Variants in SNTB1 observed in about 807,000 individuals in gnomAD.
The protein encoded by SNTB1 is beta-1-syntrophin.
In SNTB1, 36 loss-of-function variants were observed where a neutral mutation model predicts 48.9. The observed-to-expected ratio is 0.74, with a 90% CI of 0.56 to 0.97. The LOEUF (loss-of-function observed/expected upper bound fraction) is 0.97, where lower values mean the gene tolerates loss of function less well. SNTB1 is among the 50% of genes least tolerant of loss of function. The probability of loss-of-function intolerance (pLI) is 0.00; values close to 1 mark genes in which losing one functional copy is unlikely to be tolerated. For missense variants in SNTB1, 786 were observed against 703.4 expected (o/e 1.12, Z -1.33); for synonymous variants, 299 against 294.6 (o/e 1.01, Z -0.15).
intron 3 of SNTB1, among the ~76,000 whole-genome samples, chr8:120,610,392 C>G (rs912144084): frequency 6.6e-6 from 1 of 152,220 alleles, no homozygotes; most frequent in Non-Finnish European, 1.5e-5. Context: ...CCTCAGCCTC[C>G]CAAAGTGCTG....
chr8:120,649,541 C>T (rs1172060767), intron 2 of SNTB1, among the ~76,000 whole-genome samples: 1,825 of 139,082 alleles, frequency 0.013, 45 homozygotes, highest in African/African-American at 0.046. Context: ...TCTCCAGCTG[C>T]GTGCTGGGAG....
intron 3 of SNTB1, among the ~76,000 whole-genome samples, chr8:120,604,893 G>C (rs1353949345): frequency 1.3e-5 from 2 of 152,176 alleles, no homozygotes; most frequent in Non-Finnish European, 2.9e-5. Flanking sequence ...TTTCCAGTAA[G>C]ATGTGCTGCT....
At chr8:120,755,520 A>G (rs1819304681) in intron 1 of SNTB1, among the ~76,000 whole-genome samples, 1 of 152,146 alleles carries the variant, frequency 6.6e-6, no homozygotes, top group Non-Finnish European at 1.5e-5. Flanking sequence ...TATGTGAAGT[A>G]CATTTGAGTT....
chr8:120,669,993 T>C (rs965437534), intron 2 of SNTB1, among the ~76,000 whole-genome samples: 2 of 152,238 alleles, frequency 1.3e-5, no homozygotes, highest in Non-Finnish European at 1.5e-5. Context: ...AATTTGACTT[T>C]AGTATAAATT....
At chr8:120,560,008 C>T (rs775676164) in intron 4 of SNTB1, among the ~76,000 whole-genome samples, 1 of 152,036 alleles carries the variant, frequency 6.6e-6, no homozygotes, top group Non-Finnish European at 1.5e-5. Context: ...CATCCACTGG[C>T]CACCCCTAAT....
intron 1 of SNTB1, among the ~76,000 whole-genome samples, chr8:120,808,073 C>A (rs1820364570): frequency 6.6e-6 from 1 of 152,018 alleles, no homozygotes; most frequent in African/African-American, 2.4e-5. Flanking sequence ...GGGCACGATG[C>A]CTGGCTAATT....
chr8:120,671,085 C>T (rs4366115), intron 2 of SNTB1, among the ~76,000 whole-genome samples: 85,689 of 152,084 alleles, frequency 0.56, 27,407 homozygotes, highest in African/African-American at 0.89. Flanking sequence ...AGAAAACCTG[C>T]TGAAACTGCA....
At chr8:120,762,286 G>C (rs184290543) in intron 1 of SNTB1, among the ~76,000 whole-genome samples, 1 of 152,184 alleles carries the variant, frequency 6.6e-6, no homozygotes, top group Non-Finnish European at 1.5e-5. Context: ...CACTGACAAA[G>C]GCCCTGCTGT....
At chr8:120,652,551 A>G (rs1452149793) in intron 2 of SNTB1, among the ~76,000 whole-genome samples, 2 of 151,878 alleles carry the variant, frequency 1.3e-5, no homozygotes, top group Non-Finnish European at 2.9e-5. Context: ...AGCCAGTTCA[A>G]ATTGGGCTAC....
intron 2 of SNTB1, among the ~76,000 whole-genome samples, chr8:120,676,500 C>T (rs114302462): frequency 1.4e-3 from 219 of 152,334 alleles, no homozygotes; most frequent in African/African-American, 5.1e-3. Flanking sequence ...CTACAACTTG[C>T]AGACTGCTAT....
chr8:120,635,451 T>G (rs1817058922), intron 2 of SNTB1: 1 of 152,262 alleles, frequency 6.6e-6, no homozygotes, highest in Admixed American at 6.5e-5. Flanking sequence ...AATACTTCAT[T>G]TACAATATTT....
intron 1 of SNTB1, among the ~76,000 whole-genome samples, chr8:120,793,595 T>C (rs184073341): frequency 6.6e-6 from 1 of 152,176 alleles, no homozygotes; most frequent in African/African-American, 2.4e-5. Context: ...AAATCTTTTT[T>C]TCTTCCGGTG....
At chr8:120,738,554 T>TTCCTTCCTTCCG (rs1175594612) in intron 1 of SNTB1, among the ~76,000 whole-genome samples, 51 of 132,456 alleles carry the variant, frequency 3.9e-4, no homozygotes, top group African/African-American at 1.3e-3. Flanking sequence ...CTTTCCTTCC[T>TTCCTTCCTTCCG]TCCTTCCTTC....
intron 2 of SNTB1, among the ~76,000 whole-genome samples, chr8:120,683,210 G>T (rs1352624606): frequency 6.6e-6 from 1 of 152,052 alleles, no homozygotes; most frequent in Admixed American, 6.5e-5. Context: ...AATGGTAAAT[G>T]TTTAACTTCT....
At chr8:120,625,677 A>G (rs1456230692) in intron 3 of SNTB1, among the ~76,000 whole-genome samples, 1 of 152,218 alleles carries the variant, frequency 6.6e-6, no homozygotes, top group Admixed American at 6.5e-5. Flanking sequence ...GTCTTGCTCC[A>G]TCTCAGAGGT....
intron 1 of SNTB1, among the ~76,000 whole-genome samples, chr8:120,807,824 A>G (rs1820360555): frequency 6.6e-6 from 1 of 152,240 alleles, no homozygotes; most frequent in African/African-American, 2.4e-5. Flanking sequence ...TCAGAGCATC[A>G]GTATTGCCTA....
At chr8:120,755,673 T>C (rs780500639) in intron 1 of SNTB1, among the ~76,000 whole-genome samples, 56 of 152,234 alleles carry the variant, frequency 3.7e-4, no homozygotes, top group Non-Finnish European at 7.1e-4. Flanking sequence ...GTGGTGGTGG[T>C]AGTGATACCA....
intron 1 of SNTB1, among the ~76,000 whole-genome samples, chr8:120,733,248 G>A (rs1022453757): frequency 6.6e-6 from 1 of 152,204 alleles, no homozygotes; most frequent in Non-Finnish European, 1.5e-5. Flanking sequence ...TCACACTTGA[G>A]GTATCACTTT....
chr8:120,811,093 T>C (rs1321436729), intron 1 of SNTB1, among the ~76,000 whole-genome samples, 180 bp downstream of exon 1: 1 of 151,900 alleles, frequency 6.6e-6, no homozygotes, highest in East Asian at 1.9e-4. Context: ...TGGGTAAAAG[T>C]TGACAAAACT....
Sources: gnomAD v4.1 joint callset for allele counts (sites outside exome capture counted in the v4.1 genomes callset) on GRCh38, gnomAD v4.1.1 for gene constraint, MANE v1.5 for transcripts, NCBI Gene and HGNC (gene_info 2026-07-23, HGNC 2026-07-21) for gene names.